Variants in SLC6A6 observed in about 807,000 individuals in gnomAD.
The protein encoded by SLC6A6 is solute carrier family 6 member 6, also known as sodium- and chloride-dependent taurine transporter.
A neutral mutation model predicts 68.8 loss-of-function variants in SLC6A6; 16 were observed. The observed-to-expected ratio is 0.23, with a 90% CI of 0.16 to 0.35. The LOEUF (loss-of-function observed/expected upper bound fraction) is 0.35, where lower values mean the gene tolerates loss of function less well. SLC6A6 is among the 10% of genes least tolerant of loss of function. The probability of loss-of-function intolerance (pLI) is 1.00; values close to 1 mark genes in which losing one functional copy is unlikely to be tolerated. For synonymous variants in SLC6A6, 312 were observed against 315.4 expected (o/e 0.99, Z 0.12); for missense variants, 474 against 802.8 (o/e 0.59, Z 4.95).
chr3:14,443,433 C>G (rs1252558589), intron 2 of SLC6A6, among the ~76,000 whole-genome samples, 191 bp from the exon 3 acceptor site: 1 of 152,156 alleles, frequency 6.6e-6, no homozygotes, highest in Non-Finnish European at 1.5e-5. Flanking sequence ...CTTGAGGTCC[C>G]TGGTCCATGA....
At chr3:14,480,884 C>A (rs552833320) in intron 13 of SLC6A6, among the ~76,000 whole-genome samples, 1 of 152,340 alleles carries the variant, frequency 6.6e-6, no homozygotes, top group South Asian at 2.1e-4. Flanking sequence ...ACCATTCATG[C>A]ATGCTGATGG....
rs773865951 is a variant in SLC6A6 at position 14,466,599 on chromosome 3, A to T, written c.816A>T (p.Ala272=). 1 of 1,612,664 alleles carries T rather than the reference A, an allele frequency of 6.2e-7. No individual in the cohort carries two copies. The highest frequency in any genetic ancestry group is 8.5e-7 in the Non-Finnish European group (1 of 1,179,142). Residue 272 remains alanine (A), a synonymous_variant, in exon 7 of 15, where the codon GCA becomes GCT. Transcript: ENST00000622186. ...VRGLTLPGAG[A]GIKFYLYPDI... is the part of the protein sequence containing the mutation. ...GGCTGACGCTGCCGGGCGCGGGCGC[A>T]GGCATCAAGTTCTATCTGTATCCTG...
rs200861169 is a variant in SLC6A6 at position 14,484,951 on chromosome 3, G to A, written c.1807G>A (p.Val603Ile). Residue 603 changes from valine (V) to isoleucine (I), a missense_variant, in exon 15 of 15, where the codon GTC (valine) becomes ATC (isoleucine). Transcript: ENST00000622186. ...EGATPYNSRTVMNGALVKPTH... is the reference protein window; with the variant it reads ...EGATPYNSRTIMNGALVKPTH... ...AGCCACACCTTACAACTCTCGCACC[G>A]TCATGAACGGCGCTCTCGTGAAACC... 2.6e-4 allele frequency: 415 copies of A among 1,613,144 alleles called. No homozygotes were observed. Among genetic ancestry groups the A allele is most frequent in the South Asian group, 8.8e-4 (80 of 91,018 alleles).
chr3:14,463,024 G>A (rs1407233252), intron 6 of SLC6A6, among the ~76,000 whole-genome samples: 1 of 152,210 alleles, frequency 6.6e-6, no homozygotes, highest in Non-Finnish European at 1.5e-5. Context: ...GGTTTTGTGC[G>A]TGTGTGTGAC....
chr3:14,447,764 T>A lies in SLC6A6; in HGVS notation c.547T>A (p.Trp183Arg). 1 of 1,614,246 alleles carries A rather than the reference T, an allele frequency of 6.2e-7. No individual in the cohort carries two copies. The highest frequency in any genetic ancestry group is 8.5e-7 in the Non-Finnish European group (1 of 1,180,036). ...EDTMRKNKSV[W>R]ITISSTNFTS... ...CACCATGCGCAAGAACAAGAGTGTC[T>A]GGATCACCATCAGCTCCACCAACTT... The change falls in exon 5 of 15, where the codon TGG becomes AGG. Residue 183 changes from tryptophan (W) to arginine (R), a missense_variant. Coordinates refer to ENST00000622186, the MANE Select transcript of SLC6A6 (RefSeq NM_003043.6).
At chr3:14,409,186 T>C (rs1699179740) in intron 1 of SLC6A6, among the ~76,000 whole-genome samples, 1 of 152,226 alleles carries the variant, frequency 6.6e-6, no homozygotes, top group Admixed American at 6.5e-5. Flanking sequence ...TAGCAGGCCA[T>C]GTGGACTGCA....
In SLC6A6 at chr3:14,450,338, A is replaced by T. The variant is rs1246462089; in HGVS notation, c.599+2522A>T. On this transcript the variant is annotated intron_variant, in intron 5 of 14. Transcript: ENST00000622186. This position sits in a 1 kb window ranked among gnomAD's most constrained non-coding sequence, Gnocchi z 4.1. ...GCCTTCCAGAATCTCCATTCTGAGCACCCCAGCTCCATTTTCTGGCCTGGA... is the reference window on the plus strand; with the variant it reads ...GCCTTCCAGAATCTCCATTCTGAGCTCCCCAGCTCCATTTTCTGGCCTGGA... Among the ~76,000 whole-genome samples the T allele has an allele frequency of 6.6e-6, 1 of 151,766 alleles. No homozygotes were observed. Among genetic ancestry groups the T allele is most frequent in the East Asian group, 1.9e-4 (1 of 5,170 alleles).
At chr3:14,447,892 C>T (rs562389960) in intron 5 of SLC6A6, 76 bp downstream of exon 5, 3 of 1,570,580 alleles carry the variant, frequency 1.9e-6, no homozygotes, top group East Asian at 2.3e-5. Flanking sequence ...TATCTCCTCC[C>T]CTGGGATACA....
At chr3:14,426,854 G>A (rs768799060) in intron 2 of SLC6A6, among the ~76,000 whole-genome samples, 4 of 152,146 alleles carry the variant, frequency 2.6e-5, no homozygotes, top group Non-Finnish European at 4.4e-5. Flanking sequence ...CCCAGGGGAA[G>A]GTGCACCTGA....
chr3:14,466,424 C>G, intron 6 of SLC6A6, 92 bp from the exon 7 acceptor site: 1 of 1,410,952 alleles, frequency 7.1e-7, no homozygotes, highest in Non-Finnish European at 9.7e-7. Flanking sequence ...CTGATCCTGA[C>G]CAGTGCTCCC....
rs183555866 is a variant in SLC6A6 at position 14,424,411 on chromosome 3, C to G, written c.-12+7958C>G. Among the ~76,000 whole-genome samples the G allele has an allele frequency of 5.5e-3, 839 of 151,284 alleles. 9 individuals are homozygous for G. The highest frequency in any genetic ancestry group is 0.036 in the South Asian group (170 of 4,786). ...GAATATCAAAAATATGCCAGTTGGG[C>G]ACCAGACAGTGAGGGCATTCCCAGT... On this transcript the variant is annotated intron_variant, in intron 2 of 14. Transcript: ENST00000622186.
intron 11 of SLC6A6, among the ~76,000 whole-genome samples, chr3:14,478,119 A>T (rs951148741): frequency 6.6e-6 from 1 of 151,946 alleles, no homozygotes; most frequent in Non-Finnish European, 1.5e-5. Context: ...TTCTGGAGGT[A>T]TTTGTAAGAA....
chr3:14,424,392 CA>C (rs1011656855), intron 2 of SLC6A6, among the ~76,000 whole-genome samples: 2 of 151,042 alleles, frequency 1.3e-5, no homozygotes, highest in Non-Finnish European at 2.9e-5. Flanking sequence ...TCTTGAATAT[CA>C]AAAATATGCC....
intron 2 of SLC6A6, among the ~76,000 whole-genome samples, chr3:14,424,309 G>C (rs1699542896): frequency 6.6e-6 from 1 of 151,884 alleles, no homozygotes; most frequent in South Asian, 2.1e-4. Flanking sequence ...TCAGGACCCT[G>C]TCAGGGATGG....
intron 1 of SLC6A6, among the ~76,000 whole-genome samples, chr3:14,412,072 T>TCAGAAGGG (rs1429426053): frequency 6.6e-6 from 1 of 152,264 alleles, no homozygotes; most frequent in East Asian, 1.9e-4. Flanking sequence ...GGTTTTGTGT[T>TCAGAAGGG]TAAGGGAAAT....
At chr3:14,466,788 CT>C (rs762252067) in intron 7 of SLC6A6, 138 bp downstream of exon 7, 2 of 738,572 alleles carry the variant, frequency 2.7e-6, no homozygotes, top group South Asian at 3.1e-5. Flanking sequence ...CCACCGCCCC[CT>C]GGTACTTTTC....
intron 6 of SLC6A6, among the ~76,000 whole-genome samples, chr3:14,459,883 CTTTTTTTT>C (rs869191764): frequency 5.0e-5 from 2 of 40,190 alleles, no homozygotes; most frequent in East Asian, 7.1e-4. Flanking sequence ...TAATTCTCTT[CTTTTTTTT>C]TTTTTTTTTT....
chr3:14,427,025 C>T (rs760982540), intron 2 of SLC6A6, among the ~76,000 whole-genome samples: 2 of 152,168 alleles, frequency 1.3e-5, no homozygotes, highest in Non-Finnish European at 2.9e-5. Context: ...AGCCTCCCAG[C>T]ACCCTGCGCT....
chr3:14,456,646 C>T (rs890350403), intron 5 of SLC6A6, among the ~76,000 whole-genome samples: 6 of 152,210 alleles, frequency 3.9e-5, no homozygotes, highest in South Asian at 2.1e-4. Context: ...GGTAATCCCA[C>T]GGACTGGCTG....
Sources: allele counts gnomAD v4.1 joint callset (sites outside exome capture counted in the v4.1 genomes callset), GRCh38; gene constraint gnomAD v4.1.1; non-coding constraint Gnocchi (gnomAD v3.1); transcripts MANE v1.5; gene names NCBI Gene and HGNC (gene_info 2026-07-23, HGNC 2026-07-21).